The following PRKG1 variants were observed in gnomAD, a reference collection of about 807,000 sequenced individuals.
The protein encoded by PRKG1 is cGMP-dependent protein kinase 1.
PRKG1 carries 35 observed loss-of-function variants against 88.1 expected under a neutral mutation model. The observed-to-expected ratio is 0.40, with a 90% CI of 0.30 to 0.53. PRKG1 has a LOEUF of 0.53. PRKG1 is among the 20% of genes least tolerant of loss of function. The probability of loss-of-function intolerance (pLI) is 0.59; values close to 1 mark genes in which losing one functional copy is unlikely to be tolerated. For synonymous variants in PRKG1, 303 were observed against 292.5 expected (o/e 1.04, Z -0.37); for missense variants, 540 against 839.8 (o/e 0.64, Z 4.41).
At chr10:52,166,877 GTA>G (rs1491293628) in intron 9 of PRKG1, among the ~76,000 whole-genome samples, 36 of 18,172 alleles carry the variant, frequency 2.0e-3, no homozygotes, top group African/African-American at 3.7e-3. Context: ...ATATGTGTAT[GTA>G]TACACACACA....
intron 5 of PRKG1, among the ~76,000 whole-genome samples, chr10:51,916,890 G>A (rs1451695027): frequency 6.6e-6 from 1 of 152,120 alleles, no homozygotes; most frequent in Non-Finnish European, 1.5e-5. Context: ...GACTTTGAAA[G>A]CATTTTGTTA....
intron 3 of PRKG1, among the ~76,000 whole-genome samples, chr10:51,743,369 C>T (rs999407272): frequency 6.6e-6 from 1 of 151,794 alleles, no homozygotes; most frequent in African/African-American, 2.4e-5. Flanking sequence ...GAAAGAAAAC[C>T]AAGCTTTGAG....
intron 4 of PRKG1, among the ~76,000 whole-genome samples, chr10:51,896,528 T>A (rs1200593447): frequency 6.8e-6 from 1 of 148,014 alleles, no homozygotes; most frequent in Non-Finnish European, 1.5e-5. Context: ...GGGTTCATAG[T>A]GAGACCCTGT....
At chr10:51,211,883 C>T (rs1163681781) in intron 2 of PRKG1, among the ~76,000 whole-genome samples, 1 of 152,142 alleles carries the variant, frequency 6.6e-6, no homozygotes, top group Non-Finnish European at 1.5e-5. Flanking sequence ...TGAAAATGGC[C>T]ATACTGCCCA....
chr10:51,100,812 A>T lies in PRKG1; in HGVS notation c.311+25911A>T, dbSNP rs534725251. Among the ~76,000 whole-genome samples the T allele has an allele frequency of 4.5e-3, 688 of 152,282 alleles. 5 individuals are homozygous for T. The highest frequency in any genetic ancestry group is 7.2e-3 in the Non-Finnish European group (492 of 68,020). ...GAGAAAATAACTAACAATTCTAAAG[A>T]CTTATGAATCTTGCAAGCAAGAAGA... is the stretch of plus-strand genomic sequence containing the variant. On this transcript the variant is annotated intron_variant, in intron 1 of 17. Coordinates refer to ENST00000373980, the MANE Select transcript of PRKG1 (RefSeq NM_006258.4).
intron 3 of PRKG1, among the ~76,000 whole-genome samples, chr10:51,553,677 A>C (rs1414753546): frequency 6.7e-6 from 1 of 150,286 alleles, no homozygotes; most frequent in Non-Finnish European, 1.5e-5. Flanking sequence ...AAAATTACAA[A>C]CTCCTTGGTT....
At chr10:52,062,968 ATAGT>A (rs1846272843) in intron 7 of PRKG1, 1 of 588,630 alleles carries the variant, frequency 1.7e-6, no homozygotes, top group Non-Finnish European at 3.1e-6. Context: ...AATCATTAAG[ATAGT>A]TGGTTGAAAT....
chr10:51,029,355 A>G (rs1222680322), intron 1 of PRKG1, among the ~76,000 whole-genome samples: 1 of 152,186 alleles, frequency 6.6e-6, no homozygotes, highest in Non-Finnish European at 1.5e-5. Flanking sequence ...CTCTAGAAAG[A>G]AGCTCCTCAT....
chr10:50,991,766 G>A lies in PRKG1; in HGVS notation c.266+122G>A. ...CGCCCCCTGCTCGCTGCGGCGCGCG[G>A]AGTGGGGGTGGCCCCGCGGCCCGGG... On this transcript the variant is annotated intron_variant, in intron 1 of 17. Coordinates refer to the PRKG1 transcript ENST00000401604. This position sits in a 1 kb window ranked among gnomAD's most constrained non-coding sequence, Gnocchi z 4.5. 1.4e-6 allele frequency: 1 copy of A among 707,864 alleles called. No homozygotes were observed. Among genetic ancestry groups the A allele is most frequent in the African/African-American group, 1.9e-5 (1 of 51,530 alleles). 43.8% of individuals were successfully genotyped at this position (707,864 alleles called of 1,614,324 possible).
At chr10:51,355,938 A>G (rs1842356906) in intron 2 of PRKG1, among the ~76,000 whole-genome samples, 1 of 151,996 alleles carries the variant, frequency 6.6e-6, no homozygotes, top group Non-Finnish European at 1.5e-5. Flanking sequence ...TTCTGCAGGA[A>G]AAAGGGTGGG....
chr10:51,940,881 G>C (rs1842892850), intron 5 of PRKG1, among the ~76,000 whole-genome samples: 2 of 151,902 alleles, frequency 1.3e-5, no homozygotes, highest in South Asian at 4.1e-4. Context: ...ATATTGTAAT[G>C]ATCATTATCT....
intron 3 of PRKG1, among the ~76,000 whole-genome samples, chr10:51,620,312 A>C (rs1359189843): frequency 6.6e-6 from 1 of 152,142 alleles, no homozygotes; most frequent in Admixed American, 6.6e-5. Context: ...TTTGAAGATG[A>C]AAGTAAAAAT....
intron 3 of PRKG1, among the ~76,000 whole-genome samples, chr10:51,633,653 C>T (rs1839582877): frequency 1.3e-5 from 2 of 152,112 alleles, no homozygotes; most frequent in Non-Finnish European, 2.9e-5. Context: ...AGAATGCATG[C>T]CCTGTCTTAT....
chr10:52,147,849 A>C (rs1442721246), intron 8 of PRKG1, among the ~76,000 whole-genome samples: 1 of 152,072 alleles, frequency 6.6e-6, no homozygotes, highest in East Asian at 1.9e-4. Flanking sequence ...AAGTCAGAAA[A>C]CCTAACAGCA....
chr10:52,202,385 G>A (rs116449330), intron 9 of PRKG1, among the ~76,000 whole-genome samples: 5 of 152,222 alleles, frequency 3.3e-5, no homozygotes, highest in East Asian at 1.9e-4. Flanking sequence ...TTGCATCCCC[G>A]TGATAAAGCC....
chr10:51,078,770 C>G (rs1207152172), intron 1 of PRKG1, among the ~76,000 whole-genome samples: 2 of 151,968 alleles, frequency 1.3e-5, no homozygotes, highest in East Asian at 3.9e-4. Flanking sequence ...GCGCCAGCCA[C>G]CACGCCCGGC....
At chr10:52,039,751 G>A (rs1845709600) in intron 5 of PRKG1, among the ~76,000 whole-genome samples, 1 of 152,070 alleles carries the variant, frequency 6.6e-6, no homozygotes, top group Non-Finnish European at 1.5e-5. Flanking sequence ...TAAATATTCT[G>A]TATACTATAT....
intron 5 of PRKG1, among the ~76,000 whole-genome samples, chr10:51,923,479 A>C (rs1842505945): frequency 6.6e-6 from 1 of 150,472 alleles, no homozygotes. Context: ...TATATTATAT[A>C]CATTTATAAT....
At chr10:52,272,114 A>G (rs1264225531) in intron 11 of PRKG1, among the ~76,000 whole-genome samples, 2 of 152,214 alleles carry the variant, frequency 1.3e-5, no homozygotes, top group South Asian at 2.1e-4. Context: ...TCAAAACATT[A>G]CCCAAATTGG....
Sources: allele counts gnomAD v4.1 joint callset (sites outside exome capture counted in the v4.1 genomes callset), GRCh38; gene constraint gnomAD v4.1.1; non-coding constraint Gnocchi (gnomAD v3.1); transcripts MANE v1.5; gene names NCBI Gene and HGNC (gene_info 2026-07-23, HGNC 2026-07-21).